C9orf85: variants seen among roughly 807,000 people sequenced by gnomAD.
The protein encoded by C9orf85 is chromosome 9 open reading frame 85, also known as uncharacterized protein C9orf85.
C9orf85 carries 16 observed loss-of-function variants against 14.9 expected under a neutral mutation model. The observed-to-expected ratio is 1.08, with a 90% CI of 0.73 to 1.63. C9orf85 has a LOEUF of 1.63. Among genes scored for constraint, C9orf85 ranks in the 40% most tolerant of loss-of-function variants. The pLI is 0.00. For synonymous variants in C9orf85, 45 were observed against 56.8 expected (o/e 0.79, Z 0.93); for missense variants, 172 against 186.1 (o/e 0.92, Z 0.44).
intron 1 of C9orf85, among the ~76,000 whole-genome samples, chr9:71,916,092 T>C (rs1001056106): frequency 6.6e-6 from 1 of 152,290 alleles, no homozygotes; most frequent in African/African-American, 2.4e-5. Flanking sequence ...AATCAAATAA[T>C]CTTTCAAGTA....
At chr9:71,912,038 G>T in intron 1 of C9orf85, 1 of 608,066 alleles carries the variant, frequency 1.6e-6, no homozygotes, top group Non-Finnish European at 3.0e-6. Context: ...GTAAATATTT[G>T]ATGGTCAGCA....
chr9:71,911,668 G>A lies in C9orf85; in HGVS notation c.-67G>A. 7.5e-7 allele frequency: 1 copy of A among 1,340,966 alleles called. No individual in the cohort carries two copies. Among genetic ancestry groups the A allele is most frequent in the Non-Finnish European group, 1.1e-6 (1 of 931,446 alleles). 83.1% of individuals were successfully genotyped at this position (1,340,966 alleles called of 1,614,324 possible). ...ACAGAAGCGTCAATTCCTGGGAGTA[G>A]TTCGTTGGTTTTCTTTCCCCTCATC... On this transcript the variant is annotated 5_prime_UTR_variant, in exon 1 of 4. Transcript: ENST00000334731.
chr9:71,913,971 GGTTC>G (rs1445033194), intron 1 of C9orf85, among the ~76,000 whole-genome samples: 2 of 152,092 alleles, frequency 1.3e-5, no homozygotes, highest in African/African-American at 4.8e-5. Context: ...CATTATTGAA[GGTTC>G]TGACAAAAAC....
At chr9:71,971,455 A>G (rs751461012) in intron 2 of C9orf85, 50 bp from the exon 3 acceptor site, 1 of 1,127,018 alleles carries the variant, frequency 8.9e-7, no homozygotes, top group Admixed American at 2.3e-5. Flanking sequence ...ATTTTATCAA[A>G]TAAGTCTGAA....
chr9:71,916,205 A>G (rs927322771), intron 1 of C9orf85, among the ~76,000 whole-genome samples: 5 of 152,186 alleles, frequency 3.3e-5, no homozygotes, highest in Non-Finnish European at 5.9e-5. Flanking sequence ...GGTTAAGGAA[A>G]GCTCCCCAAA....
At chr9:71,943,761 G>A in intron 1 of C9orf85, among the ~76,000 whole-genome samples, 1 of 150,814 alleles carries the variant, frequency 6.6e-6, no homozygotes, top group African/African-American at 2.4e-5. Context: ...GGCTGTTCTT[G>A]AACTCCCAAT....
downstream of C9orf85, chr9:71,984,488 C>T (rs1589280473): frequency 6.6e-6 from 1 of 152,142 alleles, no homozygotes; most frequent in Non-Finnish European, 1.5e-5. Context: ...ATACAGATTC[C>T]CCAGCTCCAC....
intron 1 of C9orf85, among the ~76,000 whole-genome samples, chr9:71,931,530 C>T (rs763065789): frequency 1.1e-4 from 17 of 152,054 alleles, no homozygotes; most frequent in Non-Finnish European, 1.8e-4. Context: ...AAAAGAAAGG[C>T]AGTATGGAAT....
chr9:71,939,624 T>G (rs894752046), intron 1 of C9orf85, among the ~76,000 whole-genome samples: 3 of 152,018 alleles, frequency 2.0e-5, no homozygotes, highest in African/African-American at 7.2e-5. Flanking sequence ...ATTCTAAAAT[T>G]TATATAGAAA....
chr9:71,963,012 C>T (rs1489496529), intron 2 of C9orf85, among the ~76,000 whole-genome samples: 6 of 151,992 alleles, frequency 3.9e-5, no homozygotes, highest in Admixed American at 2.0e-4. Context: ...GCCGAGATTG[C>T]GCCATTGCAC....
chr9:71,925,642 A>G (rs915079135), intron 1 of C9orf85, among the ~76,000 whole-genome samples: 1 of 152,212 alleles, frequency 6.6e-6, no homozygotes, highest in Non-Finnish European at 1.5e-5. Context: ...ATTCGAAGAA[A>G]AGGAACATAT....
At chr9:71,967,306 A>G (rs556674518) in intron 2 of C9orf85, among the ~76,000 whole-genome samples, 2 of 152,154 alleles carry the variant, frequency 1.3e-5, no homozygotes, top group East Asian at 3.9e-4. Flanking sequence ...TTTCCTTTCT[A>G]CTATCTTGAA....
At chr9:71,955,681 A>G (rs1434649323) in intron 2 of C9orf85, among the ~76,000 whole-genome samples, 1 of 152,188 alleles carries the variant, frequency 6.6e-6, no homozygotes, top group East Asian at 1.9e-4. Context: ...AGAAACCTTT[A>G]GGCCAAACTT....
intron 1 of C9orf85, among the ~76,000 whole-genome samples, chr9:71,932,368 G>A (rs1194172023): frequency 6.6e-6 from 1 of 152,152 alleles, no homozygotes; most frequent in African/African-American, 2.4e-5. Context: ...ACTGTAGGTT[G>A]TCAAAGTGTT....
chr9:71,921,093 T>C lies in C9orf85; in HGVS notation c.102+9257T>C, dbSNP rs73474106. 7.4e-3 allele frequency among the ~76,000 whole-genome samples: 1,127 copies of C among 152,308 alleles called. 15 individuals are homozygous for C. Among genetic ancestry groups the C allele is most frequent in the African/African-American group, 0.025 (1,055 of 41,562 alleles). ...AGTAGTAAGATACCAACTTCCAACC[T>C]GACTCTAGTGTAGTATCACATGACA... is the stretch of plus-strand genomic sequence containing the variant. On this transcript the variant is annotated intron_variant, in intron 1 of 3. Transcript: ENST00000334731.
intron 1 of C9orf85, among the ~76,000 whole-genome samples, chr9:71,929,467 G>A (rs1321894941): frequency 6.6e-6 from 1 of 152,100 alleles, no homozygotes; most frequent in Non-Finnish European, 1.5e-5. Context: ...ATTGTACATA[G>A]GTTGGCCCAT....
At chr9:71,969,484 C>T (rs1341074414) in intron 2 of C9orf85, among the ~76,000 whole-genome samples, 1 of 152,210 alleles carries the variant, frequency 6.6e-6, no homozygotes, top group Non-Finnish European at 1.5e-5. Flanking sequence ...TAGTGCTGTA[C>T]CATCTTTTAT....
chr9:71,914,714 A>C lies in C9orf85; in HGVS notation c.102+2878A>C, dbSNP rs186212383. ...AATTTTGTGCCATTTCAAATGGCCA[A>C]ACTTGGACCAGGGAATCAAAGTAAC... On this transcript the variant is annotated intron_variant, in intron 1 of 3. Transcript: ENST00000334731. Among the ~76,000 whole-genome samples the C allele has an allele frequency of 2.6e-5, 4 of 152,294 alleles. No homozygotes were observed. In the East Asian group the frequency reaches 7.7e-4, roughly 29 times the overall value.
intron 1 of C9orf85, 63 bp downstream of exon 1, chr9:71,911,899 G>A: frequency 7.2e-7 from 1 of 1,397,540 alleles, no homozygotes; most frequent in Non-Finnish European, 1.0e-6. Flanking sequence ...GGAGAGGGGA[G>A]AGAGGAAATG....
Sources: gnomAD v4.1 joint callset for allele counts (sites outside exome capture counted in the v4.1 genomes callset) on GRCh38, gnomAD v4.1.1 for gene constraint, MANE v1.5 for transcripts, NCBI Gene and HGNC (gene_info 2026-07-23, HGNC 2026-07-21) for gene names.